Variants in AFF2 observed in about 807,000 individuals in gnomAD.
The protein encoded by AFF2 is ALF transcription elongation factor 2.
A neutral mutation model predicts 76.9 loss-of-function variants in AFF2; 14 were observed. That is an observed-to-expected ratio of 0.18 (90% CI 0.12 to 0.28). The LOEUF is 0.28. Ranked by LOEUF, AFF2 falls within the 10% of genes least tolerant of loss-of-function variation. The probability of loss-of-function intolerance (pLI) is 1.00; values close to 1 mark genes in which losing one functional copy is unlikely to be tolerated. For missense variants in AFF2, 868 were observed against 1,001.1 expected, an observed-to-expected ratio of 0.87 and a Z score of 1.79; for synonymous variants, 398 against 366.7, an observed-to-expected ratio of 1.09 and a Z score of -0.98.
At chrX:148,671,939 C>T (rs1327699838) in intron 3 of AFF2, among the ~76,000 whole-genome samples, 1 of 111,541 alleles carries the variant, frequency 9.0e-6, no homozygotes, top group East Asian at 2.8e-4. Flanking sequence ...TTGACAGATT[C>T]AGTATGCAGT....
intron 8 of AFF2, among the ~76,000 whole-genome samples, chrX:148,891,729 T>C (rs184559620): frequency 4.9e-4 from 55 of 111,664 alleles, no homozygotes; most frequent in Admixed American, 1.0e-3. Flanking sequence ...GCCTGGGTTC[T>C]GAAGCCTAGT....
chrX:148,861,158 T>C (rs1371361286), intron 7 of AFF2, among the ~76,000 whole-genome samples: 1 of 111,793 alleles, frequency 8.9e-6, no homozygotes, highest in East Asian at 2.8e-4. Context: ...CATCTTCTAA[T>C]TGAAAATTGC....
chrX:148,501,817 T>G (rs943076042), intron 1 of AFF2, among the ~76,000 whole-genome samples: 1 of 112,755 alleles, frequency 8.9e-6, no homozygotes, highest in Non-Finnish European at 1.9e-5. Context: ...TCCGCAGCTC[T>G]GATGTCAATG....
intron 1 of AFF2, among the ~76,000 whole-genome samples, chrX:148,542,284 C>G (rs1161673509): frequency 9.3e-6 from 1 of 107,800 alleles, no homozygotes; most frequent in Non-Finnish European, 1.9e-5. Context: ...CTTAAAGACA[C>G]AAGCTTTGGC....
chrX:148,909,459 C>T (rs2085161248), intron 9 of AFF2, among the ~76,000 whole-genome samples: 1 of 111,738 alleles, frequency 8.9e-6, no homozygotes, highest in African/African-American at 3.3e-5. Context: ...GCCTCCCTCC[C>T]CTATTTCTTA....
intron 4 of AFF2, among the ~76,000 whole-genome samples, chrX:148,822,817 C>T (rs372669423): frequency 6.4e-5 from 7 of 110,081 alleles, no homozygotes; most frequent in Admixed American, 9.7e-5. Flanking sequence ...CACACTAACA[C>T]GAACAGACTC....
chrX:148,773,698 G>GAAAGAAAGAA (rs1480779692), intron 3 of AFF2, among the ~76,000 whole-genome samples: 2 of 83,154 alleles, frequency 2.4e-5, no homozygotes, highest in African/African-American at 1.2e-4. Context: ...AAGAAAGAAA[G>GAAAGAAAGAA]AAAGAAAGAA....
chrX:148,620,046 A>G (rs1251667657), intron 1 of AFF2, among the ~76,000 whole-genome samples: 1 of 111,886 alleles, frequency 8.9e-6, no homozygotes, highest in East Asian at 2.8e-4. Context: ...AGTCCTTAGA[A>G]TGTCGATAAC....
chrX:148,957,365 G>A (rs1179664687), intron 11 of AFF2, among the ~76,000 whole-genome samples: 2 of 110,875 alleles, frequency 1.8e-5, no homozygotes, highest in African/African-American at 3.3e-5. Context: ...TCATTGAACC[G>A]CAGCCCCCAC....
chrX:148,702,793 G>T (rs1488521780), intron 3 of AFF2, among the ~76,000 whole-genome samples: 3 of 112,310 alleles, frequency 2.7e-5, no homozygotes, highest in African/African-American at 9.7e-5. Context: ...ACTGGAAAGG[G>T]CAGACAGTCT....
intron 1 of AFF2, among the ~76,000 whole-genome samples, chrX:148,563,184 T>C (rs911355291): frequency 1.8e-5 from 2 of 111,613 alleles, no homozygotes; most frequent in African/African-American, 6.5e-5. Flanking sequence ...GGTAACTTTA[T>C]AGAGGATGAG....
At chrX:148,946,094 G>A (rs2071897506) in intron 9 of AFF2, among the ~76,000 whole-genome samples, 1 of 112,287 alleles carries the variant, frequency 8.9e-6, no homozygotes, top group African/African-American at 3.2e-5. Flanking sequence ...CAGAAAGGAA[G>A]TAGGGGTTGA....
At chrX:148,765,960 T>C (rs1369789315) in intron 3 of AFF2, among the ~76,000 whole-genome samples, 1 of 105,394 alleles carries the variant, frequency 9.5e-6, no homozygotes, top group Non-Finnish European at 1.9e-5. Flanking sequence ...TGGTGTTTGG[T>C]TTTTTGTTCT....
chrX:148,834,431 G>C (rs2070494701), intron 4 of AFF2, among the ~76,000 whole-genome samples: 1 of 110,259 alleles, frequency 9.1e-6, no homozygotes, highest in Non-Finnish European at 1.9e-5. Context: ...GTCTCTCTCT[G>C]TCTCTCTCTC....
intron 9 of AFF2, among the ~76,000 whole-genome samples, chrX:148,906,736 T>C (rs1365845288): frequency 9.0e-6 from 1 of 111,536 alleles, no homozygotes; most frequent in Non-Finnish European, 1.9e-5. Context: ...TTCTGGTCCA[T>C]GTTTGTTCCG....
At chrX:148,756,534 AAAG>A (rs2055563009) in intron 3 of AFF2, among the ~76,000 whole-genome samples, 1 of 112,735 alleles carries the variant, frequency 8.9e-6, no homozygotes, top group South Asian at 3.6e-4. Flanking sequence ...TTGAAATTAA[AAAG>A]AAGACAATTC....
At chrX:148,916,120 G>A (rs2071524485) in intron 9 of AFF2, among the ~76,000 whole-genome samples, 1 of 109,154 alleles carries the variant, frequency 9.2e-6, no homozygotes, top group Non-Finnish European at 1.9e-5. Flanking sequence ...TCCCCTTGGA[G>A]AGTGTGGTCA....
chrX:148,979,976 G>A (rs2072372347), intron 18 of AFF2, among the ~76,000 whole-genome samples: 1 of 111,944 alleles, frequency 8.9e-6, no homozygotes, highest in Non-Finnish European at 1.9e-5. Flanking sequence ...ACAGTGCCAT[G>A]AGTGTGAGTT....
intron 1 of AFF2, among the ~76,000 whole-genome samples, chrX:148,562,001 C>T (rs1010087511): frequency 5.4e-5 from 6 of 111,853 alleles, no homozygotes; most frequent in African/African-American, 1.6e-4. Context: ...TTAGGATTCA[C>T]GGTCTGTGAA....
Sources: allele counts gnomAD v4.1 joint callset (sites outside exome capture counted in the v4.1 genomes callset), GRCh38; gene constraint gnomAD v4.1.1; transcripts MANE v1.5; gene names NCBI Gene and HGNC (gene_info 2026-07-23, HGNC 2026-07-21).